The following PLCH1 variants were observed in gnomAD, a reference collection of about 807,000 sequenced individuals.
PLCH1 encodes phospholipase C eta 1.
In PLCH1, 60 loss-of-function variants were observed where a neutral mutation model predicts 126.7. The observed-to-expected ratio is 0.47, with a 90% CI of 0.38 to 0.59. The LOEUF (loss-of-function observed/expected upper bound fraction) is 0.59. PLCH1 is among the 20% of genes least tolerant of loss of function. The probability of loss-of-function intolerance (pLI) is 0.00; values close to 1 mark genes in which losing one functional copy is unlikely to be tolerated. For missense variants in PLCH1, 1,723 were observed against 2,040.0 expected (o/e 0.84, Z 2.99); for synonymous variants, 719 against 734.9 (o/e 0.98, Z 0.35).
Position 155,596,904 on chromosome 3 carries a change from A to G in PLCH1, c.80-526T>C, listed in dbSNP as rs16825117. ...TAAATAAATTTCTGTAAATGTAATC[A>G]GAAAAAAATCAAGTTTTCACAGTTG... On this transcript the variant is annotated intron_variant, in intron 2 of 22. Transcript: ENST00000460012. 4.2e-3 allele frequency among the ~76,000 whole-genome samples: 646 copies of G among 152,384 alleles called. 5 individuals carry two copies. The highest frequency in any genetic ancestry group is 0.017 in the Middle Eastern group (5 of 294).
At chr3:155,657,480 T>G (rs1468929822) in intron 2 of PLCH1, among the ~76,000 whole-genome samples, 1 of 152,146 alleles carries the variant, frequency 6.6e-6, no homozygotes, top group Non-Finnish European at 1.5e-5. Flanking sequence ...ACTCTAGCAT[T>G]CGGCTGAGTA....
In PLCH1 at chr3:155,714,414, C is replaced by T. The variant is rs6778221; in HGVS notation, c.-40-10150G>A. On this transcript the variant is annotated intron_variant, in intron 1 of 22. Transcript: ENST00000460012. ...CCCGCCACCCAGCAGATGGCCTTCCCCACCATCAGCCCCTCCCCTACTTCC... is the reference window on the plus strand; with the variant it reads ...CCCGCCACCCAGCAGATGGCCTTCCTCACCATCAGCCCCTCCCCTACTTCC... Among the ~76,000 whole-genome samples, 1,310 of 152,284 alleles carry T rather than the reference C, an allele frequency of 8.6e-3. 18 individuals are homozygous for T. Among genetic ancestry groups the T allele is most frequent in the African/African-American group, 0.03 (1,256 of 41,554 alleles).
chr3:155,672,377 G>A (rs1487575912), intron 2 of PLCH1, among the ~76,000 whole-genome samples: 1 of 152,156 alleles, frequency 6.6e-6, no homozygotes. Context: ...TAACAGCTCT[G>A]TAGAACAGAC....
At chr3:155,472,522 C>T (rs1206012687) in intron 21 of PLCH1, among the ~76,000 whole-genome samples, 3 of 151,072 alleles carry the variant, frequency 2.0e-5, no homozygotes, top group African/African-American at 7.3e-5. Flanking sequence ...GGTACCATTC[C>T]TTCTGAAACT....
chr3:155,591,438 T>C (rs1379598601), intron 4 of PLCH1, among the ~76,000 whole-genome samples: 1 of 152,172 alleles, frequency 6.6e-6, no homozygotes, highest in East Asian at 1.9e-4. Flanking sequence ...GAGGCCAGAT[T>C]TTCTTCGTGT....
chr3:155,622,331 C>T (rs560446395), intron 2 of PLCH1, among the ~76,000 whole-genome samples: 1 of 152,290 alleles, frequency 6.6e-6, no homozygotes, highest in East Asian at 1.9e-4. Context: ...ACACCATCAA[C>T]ACTATTAAGA....
chr3:155,660,554 A>C (rs1415524442), intron 2 of PLCH1, among the ~76,000 whole-genome samples: 1 of 152,256 alleles, frequency 6.6e-6, no homozygotes, highest in Non-Finnish European at 1.5e-5. Context: ...CCTGAAAAAC[A>C]TATACTTCAT....
chr3:155,656,335 A>G (rs1431891115), intron 2 of PLCH1, among the ~76,000 whole-genome samples: 3 of 152,226 alleles, frequency 2.0e-5, no homozygotes, highest in Non-Finnish European at 4.4e-5. Context: ...TGAAGCAGAT[A>G]TAATACTGAT....
chr3:155,660,189 C>T (rs1305950045), intron 2 of PLCH1, among the ~76,000 whole-genome samples: 1 of 152,188 alleles, frequency 6.6e-6, no homozygotes, highest in African/African-American at 2.4e-5. Flanking sequence ...AGGCTGAACA[C>T]AATTGAAAGT....
In PLCH1 at chr3:155,720,372, C is replaced by T. The variant is rs866047536; in HGVS notation, c.-40-16108G>A. Among the ~76,000 whole-genome samples, 19 of 150,650 alleles carry T rather than the reference C, an allele frequency of 1.3e-4. 1 individual carries two copies. Among genetic ancestry groups the T allele is most frequent in the Non-Finnish European group, 8.8e-5 (6 of 67,822 alleles). ...GTATTCCCTTTTCACCACATCCACACTGACATCTATTATTTTTTTATTTTT... is the reference window on the plus strand; with the variant it reads ...GTATTCCCTTTTCACCACATCCACATTGACATCTATTATTTTTTTATTTTT... On this transcript the variant is annotated intron_variant, in intron 1 of 22. Coordinates refer to ENST00000460012, the MANE Select transcript of PLCH1 (RefSeq NM_014996.4).
At chr3:155,714,477 G>A (rs989660962) in intron 1 of PLCH1, among the ~76,000 whole-genome samples, 8 of 152,142 alleles carry the variant, frequency 5.3e-5, no homozygotes, top group Non-Finnish European at 1.0e-4. Flanking sequence ...GTTGTTAAAG[G>A]CCTCTGCAAA....
At chr3:155,600,010 T>C (rs1448950743) in intron 2 of PLCH1, among the ~76,000 whole-genome samples, 1 of 152,242 alleles carries the variant, frequency 6.6e-6, no homozygotes, top group Non-Finnish European at 1.5e-5. Context: ...AAATTGTTTA[T>C]GTAGCTGCTT....
chr3:155,732,877 C>CAAAAAAAAA (rs71155063), intron 1 of PLCH1, among the ~76,000 whole-genome samples: 2 of 80,256 alleles, frequency 2.5e-5, no homozygotes, highest in Non-Finnish European at 4.6e-5. Context: ...GACTGCATCT[C>CAAAAAAAAA]AAAAAAAAAA....
At chr3:155,632,417 C>T (rs1478743352) in intron 2 of PLCH1, among the ~76,000 whole-genome samples, 4 of 152,172 alleles carry the variant, frequency 2.6e-5, no homozygotes. Context: ...CTTCTAGAGC[C>T]ATCATCATAT....
intron 2 of PLCH1, among the ~76,000 whole-genome samples, chr3:155,624,353 C>T (rs981056201): frequency 6.6e-6 from 1 of 152,118 alleles, no homozygotes; most frequent in African/African-American, 2.4e-5. Flanking sequence ...GACAAGGATG[C>T]CCTCTCTCAC....
At chr3:155,706,880 G>A (rs1327128765) in intron 1 of PLCH1, among the ~76,000 whole-genome samples, 1 of 151,990 alleles carries the variant, frequency 6.6e-6, no homozygotes, top group Non-Finnish European at 1.5e-5. Flanking sequence ...TAGCTCACAG[G>A]CCCAGCTAGC....
chr3:155,582,075 C>CTTTTTTTTTTTT (rs869254665), intron 6 of PLCH1, among the ~76,000 whole-genome samples: 4 of 64,120 alleles, frequency 6.2e-5, no homozygotes, highest in African/African-American at 1.2e-4. Flanking sequence ...TCTTTTCTTT[C>CTTTTTTTTTTTT]TTTTTTTTTT....
intron 2 of PLCH1, among the ~76,000 whole-genome samples, chr3:155,612,914 A>AAAAAAAAG (rs1468678603): frequency 6.6e-6 from 1 of 151,268 alleles, no homozygotes; most frequent in East Asian, 1.9e-4. Flanking sequence ...GTATTAAAAA[A>AAAAAAAAG]AAAAAAAAAA....
chr3:155,638,263 C>T (rs1193303501), intron 2 of PLCH1, among the ~76,000 whole-genome samples: 1 of 152,114 alleles, frequency 6.6e-6, no homozygotes, highest in Non-Finnish European at 1.5e-5. Flanking sequence ...GAGGGGTCTC[C>T]CACTATTCTA....
Sources: gnomAD v4.1 joint callset for allele counts (sites outside exome capture counted in the v4.1 genomes callset) on GRCh38, gnomAD v4.1.1 for gene constraint, MANE v1.5 for transcripts, NCBI Gene and HGNC (gene_info 2026-07-23, HGNC 2026-07-21) for gene names.